Variants in EFCAB9 observed in about 807,000 individuals in gnomAD.
The protein encoded by EFCAB9 is EF-hand calcium binding domain 9, also known as EF-hand calcium-binding domain-containing protein 9.
In EFCAB9, 16 loss-of-function variants were observed where a neutral mutation model predicts 15.6. The observed-to-expected ratio is 1.03, with a 90% CI of 0.69 to 1.56. The LOEUF (loss-of-function observed/expected upper bound fraction) is 1.56. Among genes scored for constraint, EFCAB9 ranks in the 40% most tolerant of loss-of-function variants. The pLI is 0.00. For synonymous variants in EFCAB9, 76 were observed against 85.4 expected (o/e 0.89, Z 0.61); for missense variants, 208 against 235.4 (o/e 0.88, Z 0.76).
intron 3 of EFCAB9, among the ~76,000 whole-genome samples, chr5:172,201,910 C>T (rs1230222689): frequency 6.6e-6 from 1 of 152,294 alleles, no homozygotes; most frequent in East Asian, 1.9e-4. Flanking sequence ...AGGAAATCCA[C>T]ATTGGGGAAA....
intron 1 of EFCAB9, among the ~76,000 whole-genome samples, chr5:172,197,695 C>T (rs921875838): frequency 5.9e-5 from 9 of 152,150 alleles, no homozygotes; most frequent in South Asian, 2.1e-4. Flanking sequence ...CAGACCCTCG[C>T]GGTGAGTGTT....
chr5:172,197,924 T>C (rs771616759), intron 1 of EFCAB9, among the ~76,000 whole-genome samples: 1 of 152,192 alleles, frequency 6.6e-6, no homozygotes, highest in Admixed American at 6.6e-5. Context: ...AGAGTGCTGA[T>C]TGCTGCATTT....
At position 172,194,179 on chromosome 5, in the gene EFCAB9, C is replaced by G. The variant is rs1286089964; in HGVS notation, c.7C>G (p.Leu3Val). MRLKQGSFLWYLY... is the reference protein window; with the variant it reads MRVKQGSFLWYLY... ...CAGTTGACACAGTACTAAGATGAGA[C>G]TGAAGCAAGGATCGTTTCTGTGGTA... Residue 3 changes from leucine to valine, a missense_variant, in exon 1 of 4, where the codon CTG (leucine) becomes GTG (valine). By Grantham distance (32) the Leu-to-Val change is conservative (BLOSUM62 1). Transcript: ENST00000398186. 2 of 1,537,298 alleles carry G rather than the reference C, an allele frequency of 1.3e-6. No homozygotes were observed. Among genetic ancestry groups the G allele is most frequent in the Admixed American group, 3.9e-5 (2 of 50,974 alleles).
At chr5:172,197,701 G>A (rs1771184788) in intron 1 of EFCAB9, among the ~76,000 whole-genome samples, 1 of 152,180 alleles carries the variant, frequency 6.6e-6, no homozygotes, top group African/African-American at 2.4e-5. Context: ...CTCGCGGTGA[G>A]TGTTACAGCT....
intron 1 of EFCAB9, among the ~76,000 whole-genome samples, chr5:172,196,396 T>A (rs1023027447): frequency 1.3e-5 from 2 of 152,030 alleles, no homozygotes; most frequent in Non-Finnish European, 2.9e-5. Context: ...TTTCTTTTTT[T>A]TTTTTTTGAG....
chr5:172,194,721 T>C (rs1771128906), intron 1 of EFCAB9, among the ~76,000 whole-genome samples: 2 of 152,094 alleles, frequency 1.3e-5, no homozygotes, highest in African/African-American at 4.8e-5. Context: ...TTTTATCTTC[T>C]AGTTGAAGCA....
chr5:172,197,232 C>G (rs1432279884), intron 1 of EFCAB9, among the ~76,000 whole-genome samples: 2 of 152,052 alleles, frequency 1.3e-5, no homozygotes, highest in Non-Finnish European at 2.9e-5. Flanking sequence ...CTCAGCCTCC[C>G]GAGTAGCTGG....
In EFCAB9 at chr5:172,199,439, A is replaced by G; in HGVS notation, c.193A>G (p.Asn65Asp). 1 of 1,537,270 alleles carries G rather than the reference A, an allele frequency of 6.5e-7. No homozygotes were observed. Among genetic ancestry groups the G allele is most frequent in the Non-Finnish European group, 8.7e-7 (1 of 1,146,920 alleles). The part of the protein sequence containing the change: ...HVTDLKKAQI[N>D]IVFDMLDWNA... ...GACTGACTTGAAAAAGGCACAGATC[A>G]ACATTGTGTTTGACATGCTGGACTG... Residue 65 changes from asparagine (N) to aspartate (D), a missense_variant, in exon 2 of 4, where the codon AAC becomes GAC. Coordinates refer to ENST00000398186, the MANE Select transcript of EFCAB9 (RefSeq NM_001171183.2).
At chr5:172,200,498 G>C (rs1281877194) in intron 2 of EFCAB9, 68 bp from the exon 3 acceptor site, 2 of 1,450,360 alleles carry the variant, frequency 1.4e-6, no homozygotes. Flanking sequence ...GATATGTCTT[G>C]AGGAAACAAG....
At chr5:172,196,601 C>G (rs1362134057) in intron 1 of EFCAB9, among the ~76,000 whole-genome samples, 1 of 152,226 alleles carries the variant, frequency 6.6e-6, no homozygotes, top group South Asian at 2.1e-4. Context: ...GTCTTGAACT[C>G]GTGACCTCAG....
intron 1 of EFCAB9, among the ~76,000 whole-genome samples, chr5:172,194,847 A>G (rs1771132231): frequency 6.6e-6 from 1 of 152,128 alleles, no homozygotes; most frequent in Non-Finnish European, 1.5e-5. Context: ...TGATGTGGAT[A>G]ACACGTCATC....
At position 172,194,190 on chromosome 5, in the gene EFCAB9, A is replaced by G. The variant is rs565641152; in HGVS notation, c.18A>G (p.Gly6=). The G allele has an allele frequency of 2.6e-6, 4 of 1,537,410 alleles. No homozygotes were observed. In the African/African-American group the frequency reaches 4.1e-5, roughly 16 times the overall value. Residue 6 remains glycine (G), a synonymous_variant, in exon 1 of 4, where the codon GGA becomes GGG. Coordinates refer to ENST00000398186, the MANE Select transcript of EFCAB9 (RefSeq NM_001171183.2). The stretch of plus-strand genomic sequence containing the variant: ...GTACTAAGATGAGACTGAAGCAAGG[A>G]TCGTTTCTGTGGTACCTCTATCTGG... The part of the protein sequence containing the change: MRLKQ[G]SFLWYLYLDK...
At chr5:172,196,212 T>C (rs1771159453) in intron 1 of EFCAB9, among the ~76,000 whole-genome samples, 1 of 152,056 alleles carries the variant, frequency 6.6e-6, no homozygotes, top group Admixed American at 6.6e-5. Flanking sequence ...TGTGCATATA[T>C]ATGGTGTGTT....
intron 2 of EFCAB9, 92 bp downstream of exon 2, chr5:172,199,623 GGAAGAAAAGATGGGT>G (rs915618667): frequency 2.7e-6 from 4 of 1,466,588 alleles, no homozygotes; most frequent in Non-Finnish European, 3.6e-6. Flanking sequence ...ACTAAAAAGA[GGAAGAAAAGATGGGT>G]GGTGGGGAAA....
intron 1 of EFCAB9, among the ~76,000 whole-genome samples, chr5:172,197,498 C>T (rs897188203): frequency 2.6e-5 from 4 of 152,214 alleles, no homozygotes; most frequent in African/African-American, 9.6e-5. Context: ...TCTCAAGTTC[C>T]ATGCCAGATT....
chr5:172,196,389 C>CTT (rs557468567), intron 1 of EFCAB9, among the ~76,000 whole-genome samples: 4 of 142,794 alleles, frequency 2.8e-5, no homozygotes, highest in East Asian at 2.0e-4. Flanking sequence ...GGAGACATTT[C>CTT]TTTTTTTTTT....
At chr5:172,194,741 G>C (rs1771129092) in intron 1 of EFCAB9, among the ~76,000 whole-genome samples, 1 of 152,084 alleles carries the variant, frequency 6.6e-6, no homozygotes, top group South Asian at 2.1e-4. Context: ...ACAGAGAGAA[G>C]TTGCCAACTC....
chr5:172,194,391 AT>A (rs1771121364), intron 1 of EFCAB9, 83 bp downstream of exon 1: 1 of 1,452,388 alleles, frequency 6.9e-7, no homozygotes, highest in East Asian at 2.5e-5. Flanking sequence ...GCCAGAAACT[AT>A]TTTGTTAGTA....
chr5:172,198,808 G>C (rs1771203045), intron 1 of EFCAB9, among the ~76,000 whole-genome samples: 1 of 152,154 alleles, frequency 6.6e-6, no homozygotes, highest in Non-Finnish European at 1.5e-5. Context: ...TAGAGACAGG[G>C]TTTCACCATA....
Sources: gnomAD v4.1 joint callset for allele counts (sites outside exome capture counted in the v4.1 genomes callset) on GRCh38, gnomAD v4.1.1 for gene constraint, MANE v1.5 for transcripts, NCBI Gene and HGNC (gene_info 2026-07-23, HGNC 2026-07-21) for gene names.